The following RBFOX1 variants were observed in gnomAD, a reference collection of about 807,000 sequenced individuals.
The protein encoded by RBFOX1 is RNA binding fox-1 homolog 1.
In RBFOX1, 8 loss-of-function variants were observed where a neutral mutation model predicts 57.7. That is an observed-to-expected ratio of 0.14 (90% CI 0.08 to 0.25). The LOEUF is 0.25. Among genes scored for constraint, RBFOX1 ranks in the 10% least tolerant of loss-of-function variants. RBFOX1 has a pLI of 1.00. For synonymous variants in RBFOX1, 326 were observed against 222.4 expected, an observed-to-expected ratio of 1.47 and a Z score of -4.15; for missense variants, 611 against 548.5, an observed-to-expected ratio of 1.11 and a Z score of -1.14.
chr16:7,162,455 C>T (rs571434077), intron 4 of RBFOX1, among the ~76,000 whole-genome samples: 4 of 151,440 alleles, frequency 2.6e-5, no homozygotes, highest in Admixed American at 6.6e-5. Flanking sequence ...GACTTCTGGG[C>T]GCAGTAACTC....
chr16:5,292,078 A>G (rs573895154), intron 1 of RBFOX1, among the ~76,000 whole-genome samples: 37 of 152,084 alleles, frequency 2.4e-4, no homozygotes, highest in African/African-American at 7.2e-4. Context: ...TTTATCACAG[A>G]GGGATGGACG....
chr16:7,657,535 C>G (rs2145141815), intron 12 of RBFOX1, among the ~76,000 whole-genome samples: 1 of 152,304 alleles, frequency 6.6e-6, no homozygotes, highest in Admixed American at 6.5e-5. Flanking sequence ...GAACTCCTGA[C>G]CTCAGGTGAT....
intron 3 of RBFOX1, among the ~76,000 whole-genome samples, chr16:6,945,991 A>T (rs1264005932): frequency 6.6e-6 from 1 of 152,184 alleles, no homozygotes; most frequent in Non-Finnish European, 1.5e-5. Flanking sequence ...TTTTGGCCTG[A>T]GGTCTTTCTG....
At chr16:7,190,814 CA>C (rs2085187946) in intron 4 of RBFOX1, among the ~76,000 whole-genome samples, 1 of 152,150 alleles carries the variant, frequency 6.6e-6, no homozygotes. Context: ...TTTTTGGTAA[CA>C]GTTACGTTGA....
chr16:5,477,882 G>A (rs529622087), intron 2 of RBFOX1, among the ~76,000 whole-genome samples: 3 of 152,252 alleles, frequency 2.0e-5, no homozygotes, highest in Admixed American at 6.5e-5. Flanking sequence ...GATGTTTTTC[G>A]TTAGCTGAGA....
chr16:6,941,036 G>T (rs1334801411), intron 3 of RBFOX1, among the ~76,000 whole-genome samples: 2 of 152,006 alleles, frequency 1.3e-5, no homozygotes, highest in Non-Finnish European at 1.5e-5. Flanking sequence ...ATATGTGTAT[G>T]GACGCCTATG....
At chr16:6,901,512 A>G (rs2068489103) in intron 3 of RBFOX1, among the ~76,000 whole-genome samples, 1 of 152,148 alleles carries the variant, frequency 6.6e-6, no homozygotes. Context: ...GAATGACAGC[A>G]AGTTCATGTC....
At chr16:7,536,713 C>G (rs779318992) in intron 5 of RBFOX1, among the ~76,000 whole-genome samples, 4 of 152,206 alleles carry the variant, frequency 2.6e-5, no homozygotes, top group African/African-American at 9.6e-5. Context: ...GAAGCCAGCT[C>G]TTAATGGCCT....
In RBFOX1 at chr16:7,568,230, G is replaced by A. The variant is rs2092340092; in HGVS notation, c.271-11547G>A. ...AGGTAGAGCAGCCCTGAGGGCTGCT[G>A]GTTGCCTGTTTTTATGATTATTTCT... On this transcript the variant is annotated intron_variant, in intron 5 of 15. Transcript: ENST00000550418. Among the ~76,000 whole-genome samples, 3 of 152,132 alleles carry A rather than the reference G, an allele frequency of 2.0e-5. 1 individual carries two copies. The South Asian group carries it at 6.2e-4, about 32-fold the overall frequency.
intron 1 of RBFOX1, among the ~76,000 whole-genome samples, chr16:5,330,152 C>T (rs756732784): frequency 1.3e-5 from 2 of 152,136 alleles, no homozygotes; most frequent in Non-Finnish European, 2.9e-5. Context: ...CAAATACCAT[C>T]GCTTTCTGGG....
At position 7,626,655 on chromosome 16, in the gene RBFOX1, G is replaced by A. The variant is rs77142678; in HGVS notation, c.677-3948G>A. On this transcript the variant is annotated intron_variant, in intron 10 of 15. Coordinates refer to ENST00000550418, the MANE Select transcript of RBFOX1 (RefSeq NM_018723.4). ...AGAACCAGGAAAGAAGAGAAAACACGTGAAGTAGATTGAAGCTATTTCAAT... is the reference window on the plus strand; with the variant it reads ...AGAACCAGGAAAGAAGAGAAAACACATGAAGTAGATTGAAGCTATTTCAAT... Among the ~76,000 whole-genome samples, 540 of 152,234 alleles carry A rather than the reference G, an allele frequency of 3.5e-3. 4 individuals carry two copies. The highest frequency in any genetic ancestry group is 0.012 in the African/African-American group (506 of 41,518).
chr16:7,235,376 G>A (rs2093715984), intron 4 of RBFOX1, among the ~76,000 whole-genome samples: 1 of 152,130 alleles, frequency 6.6e-6, no homozygotes, highest in Non-Finnish European at 1.5e-5. Flanking sequence ...TATCCAGGAG[G>A]CAAGAGAATG....
chr16:7,026,116 AG>A (rs1351446851), intron 3 of RBFOX1, among the ~76,000 whole-genome samples: 2 of 152,188 alleles, frequency 1.3e-5, no homozygotes. Flanking sequence ...GTCACAGGCC[AG>A]GGTGGAAATG....
At chr16:7,051,993 T>C in intron 3 of RBFOX1, 64 bp from the exon 4 acceptor site, 3 of 1,578,588 alleles carry the variant, frequency 1.9e-6, no homozygotes. Context: ...ACTTTCTGTT[T>C]TCTTTCATGT....
chr16:6,232,909 T>G (rs2097475676), intron 1 of RBFOX1, among the ~76,000 whole-genome samples: 1 of 152,116 alleles, frequency 6.6e-6, no homozygotes, highest in African/African-American at 2.4e-5. Context: ...TTCTGTGAGA[T>G]GTGGACAGCG....
chr16:6,879,569 G>C (rs2062506514), intron 3 of RBFOX1, among the ~76,000 whole-genome samples: 1 of 152,166 alleles, frequency 6.6e-6, no homozygotes, highest in Admixed American at 6.6e-5. Context: ...TTCAACATAA[G>C]TTTCCATTAT....
intron 4 of RBFOX1, among the ~76,000 whole-genome samples, chr16:6,007,885 G>A (rs72770994): frequency 0.02 from 3,023 of 152,202 alleles, 45 homozygotes; most frequent in South Asian, 0.033. Flanking sequence ...AGGGGAACTC[G>A]TGGAGAACGC....
intron 4 of RBFOX1, among the ~76,000 whole-genome samples, chr16:5,920,650 A>G (rs2077835595): frequency 6.6e-6 from 1 of 152,106 alleles, no homozygotes; most frequent in South Asian, 2.1e-4. Flanking sequence ...ACCTTGTCCA[A>G]AAGTGGGGCA....
At chr16:6,888,108 A>G (rs921388993) in intron 3 of RBFOX1, among the ~76,000 whole-genome samples, 1 of 152,172 alleles carries the variant, frequency 6.6e-6, no homozygotes, top group Non-Finnish European at 1.5e-5. Flanking sequence ...CATAAGCTTT[A>G]CAATTATTTC....
Sources: gnomAD v4.1 joint callset for allele counts (sites outside exome capture counted in the v4.1 genomes callset) on GRCh38, gnomAD v4.1.1 for gene constraint, MANE v1.5 for transcripts, NCBI Gene and HGNC (gene_info 2026-07-23, HGNC 2026-07-21) for gene names.